Variants in ANKIB1 observed in about 807,000 individuals in gnomAD.
ANKIB1 encodes ankyrin repeat and IBR domain-containing protein 1.
Under a neutral mutation model 122.1 loss-of-function variants are expected in ANKIB1, and 43 were observed. That is an observed-to-expected ratio of 0.35 (90% CI 0.28 to 0.45). The LOEUF (loss-of-function observed/expected upper bound fraction) is 0.45, where lower values mean the gene tolerates loss of function less well. Ranked by LOEUF, ANKIB1 falls within the 20% of genes least tolerant of loss-of-function variation. The pLI, the probability that ANKIB1 is intolerant of heterozygous loss-of-function variation, is 1.00. For missense variants in ANKIB1, 992 were observed against 1,329.5 expected, an observed-to-expected ratio of 0.75 and a Z score of 3.95; for synonymous variants, 390 against 442.0, an observed-to-expected ratio of 0.88 and a Z score of 1.48.
chr7:92,263,236 G>T (rs1400961174), intron 1 of ANKIB1, among the ~76,000 whole-genome samples: 1 of 152,084 alleles, frequency 6.6e-6, no homozygotes, highest in African/African-American at 2.4e-5. Context: ...CATTATCTAA[G>T]ATTTAATTCT....
At chr7:92,385,117 A>G (rs1804605960) in intron 11 of ANKIB1, among the ~76,000 whole-genome samples, 2 of 152,262 alleles carry the variant, frequency 1.3e-5, no homozygotes, top group Non-Finnish European at 2.9e-5. Flanking sequence ...TGCAGCCAAC[A>G]GGCATGAAAA....
At chr7:92,268,155 A>G (rs1801713061) in intron 1 of ANKIB1, among the ~76,000 whole-genome samples, 1 of 152,176 alleles carries the variant, frequency 6.6e-6, no homozygotes, top group African/African-American at 2.4e-5. Context: ...TTGCACATGG[A>G]TATTTAGTTG....
At chr7:92,248,007 A>G (rs1349834154) in intron 1 of ANKIB1, among the ~76,000 whole-genome samples, 1 of 152,210 alleles carries the variant, frequency 6.6e-6, no homozygotes, top group African/African-American at 2.4e-5. Context: ...GTCTCTGGAA[A>G]TGTACTTAGC....
intron 9 of ANKIB1, among the ~76,000 whole-genome samples, chr7:92,358,471 A>AT (rs1333004588): frequency 1.3e-5 from 2 of 151,716 alleles, no homozygotes; most frequent in Admixed American, 6.6e-5. Flanking sequence ...TTCTTTTGCT[A>AT]TTTAATACAA....
intron 19 of ANKIB1, 146 bp downstream of exon 19, chr7:92,398,005 C>A (rs1369775095): frequency 1.0e-5 from 13 of 1,246,206 alleles, no homozygotes; most frequent in East Asian, 2.7e-5. Flanking sequence ...AAAAGATATT[C>A]CTATATTTTA....
Position 92,368,403 on chromosome 7 carries a change from C to A in ANKIB1, c.1487-3074C>A, listed in dbSNP as rs187913327. 5.3e-5 allele frequency among the ~76,000 whole-genome samples: 8 copies of A among 151,478 alleles called. No homozygotes were observed. The South Asian group carries it at 1.7e-3, about 32-fold the overall frequency. On this transcript the variant is annotated intron_variant, in intron 10 of 19. Coordinates refer to ENST00000265742, the MANE Select transcript of ANKIB1 (RefSeq NM_019004.2). ...TCACCAGATAGATTGAAGGGAGATA[C>A]GGTGTTGTTGGTGTTAAGAACAGTA...
intron 1 of ANKIB1, among the ~76,000 whole-genome samples, chr7:92,264,118 T>C (rs553009546): frequency 6.6e-6 from 1 of 152,108 alleles, no homozygotes; most frequent in Admixed American, 6.5e-5. Flanking sequence ...AGAGTATTCT[T>C]CATTTTTAAG....
At chr7:92,364,194 T>C (rs1194878990) in intron 10 of ANKIB1, among the ~76,000 whole-genome samples, 2 of 150,906 alleles carry the variant, frequency 1.3e-5, no homozygotes, top group Admixed American at 1.3e-4. Flanking sequence ...GCGCCTGTAA[T>C]CCCAGCTACT....
At chr7:92,327,708 A>G in intron 4 of ANKIB1, 75 bp from the exon 5 acceptor site, 3 of 661,266 alleles carry the variant, frequency 4.5e-6, no homozygotes, top group Non-Finnish European at 7.2e-6. Context: ...GACTGACTAT[A>G]TATTGTTTAT....
chr7:92,332,727 A>T (rs1329106158), intron 5 of ANKIB1, among the ~76,000 whole-genome samples: 1 of 152,138 alleles, frequency 6.6e-6, no homozygotes, highest in Non-Finnish European at 1.5e-5. Flanking sequence ...TCCTGTTCCC[A>T]CATCTTCTCT....
chr7:92,354,684 G>GT (rs1442532157), intron 9 of ANKIB1, among the ~76,000 whole-genome samples: 1 of 151,910 alleles, frequency 6.6e-6, no homozygotes, highest in African/African-American at 2.4e-5. Context: ...TACAGTTCCT[G>GT]TTTTTTTGCA....
intron 5 of ANKIB1, among the ~76,000 whole-genome samples, chr7:92,341,309 CAAAA>C (rs554016109): frequency 3.8e-5 from 3 of 78,800 alleles, no homozygotes; most frequent in African/African-American, 4.2e-5. Flanking sequence ...GACCCTGTCT[CAAAA>C]AAAAAAAAAA....
At chr7:92,316,377 CTT>C (rs1477200825) in intron 3 of ANKIB1, among the ~76,000 whole-genome samples, 1 of 152,198 alleles carries the variant, frequency 6.6e-6, no homozygotes, top group African/African-American at 2.4e-5. Context: ...GTGTTCCTGA[CTT>C]TATGCCGTAA....
At chr7:92,251,753 C>T (rs1331495603) in intron 1 of ANKIB1, among the ~76,000 whole-genome samples, 1 of 152,186 alleles carries the variant, frequency 6.6e-6, no homozygotes, top group Non-Finnish European at 1.5e-5. Context: ...AAAATAGGCA[C>T]TCTCTTATAC....
chr7:92,346,284 C>T, intron 7 of ANKIB1, among the ~76,000 whole-genome samples: 1 of 152,102 alleles, frequency 6.6e-6, no homozygotes, highest in Non-Finnish European at 1.5e-5. Context: ...GCACACACCA[C>T]CACGCTCTGC....
intron 1 of ANKIB1, among the ~76,000 whole-genome samples, chr7:92,267,534 A>G (rs1374151031): frequency 6.6e-6 from 1 of 152,124 alleles, no homozygotes; most frequent in Non-Finnish European, 1.5e-5. Context: ...TATACTCCTA[A>G]AAAATCTCCA....
intron 6 of ANKIB1, among the ~76,000 whole-genome samples, chr7:92,344,594 A>T (rs1803502098): frequency 6.6e-6 from 1 of 152,154 alleles, no homozygotes; most frequent in Non-Finnish European, 1.5e-5. Flanking sequence ...CTCTGTTTTC[A>T]TAGATTTTGA....
intron 1 of ANKIB1, among the ~76,000 whole-genome samples, chr7:92,255,300 G>A (rs1801412314): frequency 6.6e-6 from 1 of 152,122 alleles, no homozygotes. Flanking sequence ...TAATCAAATA[G>A]TAATCATGTT....
At chr7:92,349,600 A>G (rs540142697) in intron 7 of ANKIB1, among the ~76,000 whole-genome samples, 2 of 152,280 alleles carry the variant, frequency 1.3e-5, no homozygotes, top group Admixed American at 1.3e-4. Flanking sequence ...GTTAAATTCA[A>G]TATACAGTAA....
Sources: allele counts gnomAD v4.1 joint callset (sites outside exome capture counted in the v4.1 genomes callset), GRCh38; gene constraint gnomAD v4.1.1; transcripts MANE v1.5; gene names NCBI Gene and HGNC (gene_info 2026-07-23, HGNC 2026-07-21).